DENND2B: variants seen among roughly 807,000 people sequenced by gnomAD.
DENND2B encodes the protein DENN domain-containing protein 2B.
In DENND2B, 32 loss-of-function variants were observed where a neutral mutation model predicts 116.0. The ratio of observed to expected loss-of-function variants is 0.28; its 90% CI spans 0.21 to 0.37. DENND2B has a LOEUF of 0.37. Ranked by LOEUF, DENND2B falls within the 10% of genes least tolerant of loss-of-function variation. DENND2B has a pLI of 1.00. For missense variants in DENND2B, 1,276 were observed against 1,477.7 expected (o/e 0.86, Z 2.24); for synonymous variants, 588 against 583.9 (o/e 1.01, Z -0.10).
intron 3 of DENND2B, among the ~76,000 whole-genome samples, chr11:8,847,864 A>C (rs1006180962): frequency 3.3e-5 from 5 of 152,232 alleles, no homozygotes; most frequent in African/African-American, 1.2e-4. Context: ...CAAGATGACA[A>C]GCACAAGAAG....
intron 1 of DENND2B, among the ~76,000 whole-genome samples, chr11:8,772,134 C>A (rs1485751604): frequency 6.6e-6 from 1 of 151,178 alleles, no homozygotes; most frequent in East Asian, 1.9e-4. Context: ...GCTCTACACA[C>A]ACACACACAC....
chr11:8,897,091 A>AT (rs11433540), intron 1 of DENND2B, among the ~76,000 whole-genome samples: 43,514 of 150,764 alleles, frequency 0.29, 7,054 homozygotes, highest in South Asian at 0.44. Flanking sequence ...TACAAAAAAA[A>AT]TTTTTTTTTT....
chr11:8,869,724 T>C (rs2063711888), intron 2 of DENND2B, among the ~76,000 whole-genome samples: 1 of 152,028 alleles, frequency 6.6e-6, no homozygotes, highest in Non-Finnish European at 1.5e-5. Context: ...GAGGGTTACA[T>C]CTATGTTAGT....
At chr11:8,756,077 G>T (rs765307320) in intron 1 of DENND2B, among the ~76,000 whole-genome samples, 2 of 152,176 alleles carry the variant, frequency 1.3e-5, no homozygotes, top group Non-Finnish European at 2.9e-5. Context: ...GTTTTCAACT[G>T]TAGCAATGAT....
chr11:8,897,245 C>T (rs1349516115), intron 1 of DENND2B, among the ~76,000 whole-genome samples: 6 of 151,898 alleles, frequency 4.0e-5, no homozygotes, highest in East Asian at 3.9e-4. Flanking sequence ...CAACAGAGCA[C>T]GACACCATCT....
intron 1 of DENND2B, among the ~76,000 whole-genome samples, chr11:8,887,217 A>G (rs1020332952): frequency 3.9e-5 from 6 of 152,214 alleles, no homozygotes; most frequent in African/African-American, 1.4e-4. Context: ...TCTTACATTT[A>G]TATAGCAAAT....
chr11:8,695,668 A>G (rs1470815951), intron 18 of DENND2B, 119 bp from the exon 19 acceptor site: 1 of 842,260 alleles, frequency 1.2e-6, no homozygotes, highest in Non-Finnish European at 1.9e-6. Context: ...AACATCTGGG[A>G]TGATAATTTG....
rs573043639 is a variant in DENND2B at position 8,801,827 on chromosome 11, C to T, written c.-26+8690G>A. Reference sequence around the variant, plus strand: ...ACCAGCCTGGGCAACATGAAGAAACCCCATCTCTATAAAAAAAATTATAAA... The same window carrying T: ...ACCAGCCTGGGCAACATGAAGAAACTCCATCTCTATAAAAAAAATTATAAA... On this transcript the variant is annotated intron_variant, in intron 1 of 19. Transcript: ENST00000313726. Among the ~76,000 whole-genome samples the T allele has an allele frequency of 5.3e-5, 8 of 150,276 alleles. No individual in the cohort carries two copies. In the East Asian group the frequency reaches 1.6e-3, roughly 30 times the overall value.
intron 1 of DENND2B, among the ~76,000 whole-genome samples, chr11:8,753,000 G>A (rs1324107849): frequency 6.6e-6 from 1 of 152,212 alleles, no homozygotes. Flanking sequence ...ACTTTGGGAA[G>A]CCAAGGCAGG....
chr11:8,824,525 A>G (rs2061896185), intron 4 of DENND2B, among the ~76,000 whole-genome samples: 1 of 152,154 alleles, frequency 6.6e-6, no homozygotes, highest in African/African-American at 2.4e-5. Context: ...TGCAAAGGAC[A>G]TGATTTCATT....
chr11:8,812,253 A>G (rs3915868), upstream of DENND2B, among the ~76,000 whole-genome samples: 40,739 of 152,024 alleles, frequency 0.27, 5,740 homozygotes, highest in Middle Eastern at 0.43. Context: ...GGGAAGGTGG[A>G]GAATCCTTGT....
intron 3 of DENND2B, among the ~76,000 whole-genome samples, chr11:8,843,755 G>A (rs2134624331): frequency 6.6e-6 from 1 of 152,252 alleles, no homozygotes; most frequent in East Asian, 1.9e-4. Flanking sequence ...CCCCAAGGTT[G>A]ATCCTGATAT....
chr11:8,697,846 G>A (rs1400753647), intron 16 of DENND2B: 4 of 585,426 alleles, frequency 6.8e-6, no homozygotes, highest in Middle Eastern at 5.3e-4. Flanking sequence ...AAGTGGTAGA[G>A]GGTCAGGCGC....
At chr11:8,868,143 C>T (rs1032227686) in intron 2 of DENND2B, among the ~76,000 whole-genome samples, 1 of 152,154 alleles carries the variant, frequency 6.6e-6, no homozygotes, top group Non-Finnish European at 1.5e-5. Flanking sequence ...CCAGAGCAGC[C>T]CCGTGGTCAC....
At chr11:8,731,470 G>C (rs570918146) in intron 2 of DENND2B, among the ~76,000 whole-genome samples, 1 of 152,304 alleles carries the variant, frequency 6.6e-6, no homozygotes, top group East Asian at 1.9e-4. Flanking sequence ...ACAGACACCT[G>C]TTCTGTGCCA....
At chr11:8,843,114 TCAAG>T (rs2062682813) in intron 3 of DENND2B, among the ~76,000 whole-genome samples, 1 of 152,046 alleles carries the variant, frequency 6.6e-6, no homozygotes, top group African/African-American at 2.4e-5. Flanking sequence ...CCTCCCGGGT[TCAAG>T]CAATTCTCCT....
At chr11:8,776,865 G>C (rs964276855) in intron 1 of DENND2B, among the ~76,000 whole-genome samples, 5 of 152,108 alleles carry the variant, frequency 3.3e-5, no homozygotes, top group African/African-American at 1.2e-4. Context: ...GAGAGAGAAT[G>C]ATCTCCTTAG....
intron 1 of DENND2B, among the ~76,000 whole-genome samples, chr11:8,898,109 C>T (rs2134754349): frequency 6.6e-6 from 1 of 152,308 alleles, no homozygotes; most frequent in Admixed American, 6.5e-5. Flanking sequence ...CCAAACTATA[C>T]ACAGATTAAT....
chr11:8,831,848 C>T (rs182030424), intron 4 of DENND2B: 1 of 152,288 alleles, frequency 6.6e-6, no homozygotes, highest in East Asian at 1.9e-4. Context: ...GCTGATGATG[C>T]TGGGTGCACT....
Sources: allele counts gnomAD v4.1 joint callset (sites outside exome capture counted in the v4.1 genomes callset), GRCh38; gene constraint gnomAD v4.1.1; transcripts MANE v1.5; gene names NCBI Gene and HGNC (gene_info 2026-07-23, HGNC 2026-07-21).